The following BAIAP2L2 variants were observed in gnomAD, a reference collection of about 807,000 sequenced individuals.
BAIAP2L2 encodes BAR/IMD domain containing adaptor protein 2 like 2, also known as BAR/IMD domain-containing adapter protein 2-like 2.
A neutral mutation model predicts 60.4 loss-of-function variants in BAIAP2L2; 65 were observed. That is an observed-to-expected ratio of 1.08 (90% CI 0.88 to 1.32). The LOEUF (loss-of-function observed/expected upper bound fraction) is 1.32, where lower values mean the gene tolerates loss of function less well. Ranked by LOEUF, BAIAP2L2 falls within the 40% of genes most tolerant of loss-of-function variation. The pLI is 0.00. For synonymous variants in BAIAP2L2, 344 were observed against 301.7 expected (o/e 1.14, Z -1.45); for missense variants, 836 against 741.2 (o/e 1.13, Z -1.48).
At position 38,089,158 on chromosome 22, in the gene BAIAP2L2, TCGGGCTCGGTG is replaced by T; in HGVS notation, c.828_838del (p.Thr277ArgfsTer152). 1 of 1,334,392 alleles carries T rather than the reference TCGGGCTCGGTG, an allele frequency of 7.5e-7. No homozygotes were observed. Among genetic ancestry groups the T allele is most frequent in the Non-Finnish European group, 9.5e-7 (1 of 1,047,378 alleles). The allele number at this position is 1,334,392 out of a possible 1,614,324, so 82.7% of individuals were successfully genotyped here. ...CTCTAGCTGGGACGCGGGCCTCGCG[TCGGGCTCGGTG>T]CCGTAGGAGCCGGAGCCGTGCCGGC... On this transcript the variant is annotated frameshift_variant, in exon 9 of 14. Coordinates refer to ENST00000381669, the MANE Select transcript of BAIAP2L2 (RefSeq NM_025045.6). LOFTEE classifies it high-confidence loss of function.
In BAIAP2L2 at chr22:38,088,895, C is replaced by T. The variant is rs1439245137; in HGVS notation, c.971G>A (p.Gly324Glu). ...NSFGERPGGG[G>E]GARRVRALVS... ...CAGGGCGCGGACTCTCCTGGCGCCC[C>T]CGCCGCCGCCCGGGCGCTCGCCAAA... Residue 324 changes from glycine to glutamate, a missense_variant, in exon 10 of 14, where the codon GGG becomes GAG. Physicochemically the swap from Gly to Glu is moderately conservative, Grantham distance 98 (BLOSUM62 -2). Transcript: ENST00000381669. 1.3e-5 allele frequency: 21 copies of T among 1,572,022 alleles called. No homozygotes were observed. The highest frequency in any genetic ancestry group is 1.8e-5 in the Non-Finnish European group (21 of 1,167,056).
rs534150138 is a variant in BAIAP2L2 at position 38,089,198 on chromosome 22, G to A, written c.799C>T (p.Arg267Cys). 98 of 1,282,258 alleles carry A rather than the reference G, an allele frequency of 7.6e-5. 1 individual carries two copies. The African/African-American group carries it at 9.7e-4, about 13-fold the overall frequency. The allele number at this position is 1,282,258 out of a possible 1,614,324, so 79.4% of individuals were successfully genotyped here. ...TAGGAGCCGGAGCCGTGCCGGCTGCGGGGGGAGCTGAACTCTCCCAGGGGC... is the reference window on the plus strand; with the variant it reads ...TAGGAGCCGGAGCCGTGCCGGCTGCAGGGGGAGCTGAACTCTCCCAGGGGC... ...PRPLGEFSSP[R>C]SRHGSGSYGT... Residue 267 changes from arginine (R) to cysteine (C), a missense_variant, in exon 9 of 14, where the codon CGC becomes TGC. Transcript: ENST00000381669.
At chr22:38,088,427 G>C (rs1004944471) in intron 10 of BAIAP2L2, among the ~76,000 whole-genome samples, 17 of 152,208 alleles carry the variant, frequency 1.1e-4, no homozygotes, top group Non-Finnish European at 2.2e-4. Context: ...AGGGGAAGCA[G>C]CCTCCTCCCA....
intron 7 of BAIAP2L2, among the ~76,000 whole-genome samples, chr22:38,093,393 A>G: frequency 6.6e-6 from 1 of 152,168 alleles, no homozygotes; most frequent in Non-Finnish European, 1.5e-5. Flanking sequence ...GCAATGCACA[A>G]CGGACTAACA....
intron 4 of BAIAP2L2, among the ~76,000 whole-genome samples, chr22:38,102,303 G>A (rs1247777089): frequency 6.6e-6 from 1 of 152,096 alleles, no homozygotes; most frequent in African/African-American, 2.4e-5. Context: ...TCAGGAACAA[G>A]GACAACAGAC....
chr22:38,097,264 C>T, intron 6 of BAIAP2L2, 86 bp from the exon 7 acceptor site: 1 of 1,489,500 alleles, frequency 6.7e-7, no homozygotes, highest in Admixed American at 1.8e-5. Flanking sequence ...TGTTCAAGCC[C>T]CCTGTTCTTC....
intron 10 of BAIAP2L2, 127 bp downstream of exon 10, chr22:38,088,621 G>A: frequency 1.1e-6 from 1 of 925,614 alleles, no homozygotes; most frequent in South Asian, 1.8e-5. Context: ...GGGGTCGGGA[G>A]GAGAGGAGCA....
At chr22:38,104,097 G>T (rs116507047) in intron 4 of BAIAP2L2, among the ~76,000 whole-genome samples, 3,982 of 152,278 alleles carry the variant, frequency 0.026, 188 homozygotes, top group African/African-American at 0.091. Flanking sequence ...GATGAATAAA[G>T]GGAATGAATG....
chr22:38,087,196 ACGGG>A lies in BAIAP2L2; in HGVS notation c.1183_1186del (p.Pro395Ter), dbSNP rs763033757. 122 of 1,602,790 alleles carry A rather than the reference ACGGG, an allele frequency of 7.6e-5. No homozygotes were observed. The highest frequency in any genetic ancestry group is 1.4e-4 in the Admixed American group (8 of 57,228). ...GGAGGTCATGGAGGTCATGGGGGTCACGGGGGTCATGGGATTCACGGGCCCCTCC... is the reference window on the plus strand; with the variant it reads ...GGAGGTCATGGAGGTCATGGGGGTCAGGTCATGGGATTCACGGGCCCCTCC... On this transcript the variant is annotated frameshift_variant, in exon 11 of 14. Coordinates refer to ENST00000381669, the MANE Select transcript of BAIAP2L2 (RefSeq NM_025045.6). LOFTEE classifies it high-confidence loss of function.
chr22:38,087,004 A>AC (rs2086098622), intron 11 of BAIAP2L2, 120 bp downstream of exon 11: 6 of 1,277,468 alleles, frequency 4.7e-6, no homozygotes, highest in African/African-American at 1.7e-5. Context: ...TCAAAAAAAA[A>AC]AAAACAAAAC....
At chr22:38,089,473 CG>C (rs930387710) in intron 8 of BAIAP2L2, 48 bp downstream of exon 8, 6 of 1,095,182 alleles carry the variant, frequency 5.5e-6, no homozygotes, top group Non-Finnish European at 6.8e-6. Flanking sequence ...CGGGCCCCCG[CG>C]GGGGGCGGCG....
At chr22:38,108,037 G>C (rs911126150) in intron 3 of BAIAP2L2, 124 bp from the exon 4 acceptor site, 2 of 1,131,102 alleles carry the variant, frequency 1.8e-6, no homozygotes. Flanking sequence ...CAAAGTCCGG[G>C]AACTTCCCAT....
chr22:38,101,768 C>T (rs1393232936), intron 4 of BAIAP2L2, among the ~76,000 whole-genome samples: 3 of 151,514 alleles, frequency 2.0e-5, no homozygotes, highest in Non-Finnish European at 2.9e-5. Flanking sequence ...GCAGGAGAAT[C>T]GCTTGAACCC....
rs1010890672 is a variant in BAIAP2L2, at chr22:38,110,616, C to T, written c.-91G>A. On this transcript the variant is annotated 5_prime_UTR_variant, in exon 1 of 14. The change creates a new upstream start codon in the 5' untranslated region. Coordinates refer to ENST00000381669, the MANE Select transcript of BAIAP2L2 (RefSeq NM_025045.6). ...TGGTAGGTAGTCCCTCAGGTGCCCACGACTCAGCTGGCAGCGAGGAAGCCT... is the reference window on the plus strand; with the variant it reads ...TGGTAGGTAGTCCCTCAGGTGCCCATGACTCAGCTGGCAGCGAGGAAGCCT... 1.2e-5 allele frequency: 13 copies of T among 1,089,300 alleles called. No individual in the cohort carries two copies. Among genetic ancestry groups the T allele is most frequent in the African/African-American group, 8.0e-5 (5 of 62,502 alleles). The allele number at this position is 1,089,300 out of a possible 1,614,324, so 67.5% of individuals were successfully genotyped here.
At chr22:38,086,910 C>G (rs1240339527) in intron 11 of BAIAP2L2, among the ~76,000 whole-genome samples, 2 of 150,206 alleles carry the variant, frequency 1.3e-5, no homozygotes, top group African/African-American at 2.5e-5. Context: ...GCAGGAGAAT[C>G]GCTTGAATGC....
intron 1 of BAIAP2L2, among the ~76,000 whole-genome samples, chr22:38,109,752 C>CGGGCCTGGACTT (rs913091588): frequency 3.9e-5 from 6 of 151,976 alleles, no homozygotes; most frequent in South Asian, 2.1e-4. Flanking sequence ...ATGGTGAAGA[C>CGGGCCTGGACTT]GGGCCTGGAC....
chr22:38,085,348 C>T lies in BAIAP2L2; in HGVS notation c.1542G>A (p.Lys514=). 1 of 1,614,046 alleles carries T rather than the reference C, an allele frequency of 6.2e-7. No individual in the cohort carries two copies. The highest frequency in any genetic ancestry group is 1.1e-5 in the South Asian group (1 of 91,064). Residue 514 remains lysine (K), a synonymous_variant, in exon 14 of 14, where the codon AAG becomes AAA. Coordinates refer to ENST00000381669, the MANE Select transcript of BAIAP2L2 (RefSeq NM_025045.6). ...GGTCATTGGTGATGGTGGGACGAAG[C>T]TTGACAGTGGCAAAAGGATTTGTGC... The part of the protein sequence containing the change: ...PRGTNPFATV[K]LRPTITNDRS...
intron 4 of BAIAP2L2, 128 bp downstream of exon 4, chr22:38,107,724 C>A: frequency 3.6e-6 from 3 of 833,166 alleles, no homozygotes; most frequent in Admixed American, 3.7e-5. Flanking sequence ...CCCCACAGAG[C>A]CGGGTGCTGG....
chr22:38,097,303 C>G (rs888611905), intron 6 of BAIAP2L2, 125 bp from the exon 7 acceptor site: 3 of 1,059,616 alleles, frequency 2.8e-6, no homozygotes, highest in African/African-American at 1.6e-5. Context: ...AGCCCACCCC[C>G]CATCACCCGG....
Sources: allele counts gnomAD v4.1 joint callset (sites outside exome capture counted in the v4.1 genomes callset), GRCh38; gene constraint gnomAD v4.1.1; transcripts MANE v1.5; gene names NCBI Gene and HGNC (gene_info 2026-07-23, HGNC 2026-07-21).